The following FAM110A variants were observed in gnomAD, a reference collection of about 807,000 sequenced individuals.
FAM110A encodes the protein protein FAM110A.
Under a neutral mutation model 4.0 loss-of-function variants are expected in FAM110A, and 1 was observed. That is an observed-to-expected ratio of 0.25 (90% CI 0.09 to 1.20). The LOEUF (loss-of-function observed/expected upper bound fraction) is 1.20. Ranked by LOEUF, FAM110A falls within the 50% of genes most tolerant of loss-of-function variation. The probability of loss-of-function intolerance (pLI) is 0.50; values close to 1 mark genes in which losing one functional copy is unlikely to be tolerated. For missense variants in FAM110A, 436 were observed against 429.2 expected, an observed-to-expected ratio of 1.02 and a Z score of -0.14; for synonymous variants, 217 against 196.8, an observed-to-expected ratio of 1.10 and a Z score of -0.86.
At chr20:839,741 G>A in intron 1 of FAM110A, 1 of 1,355,620 alleles carries the variant, frequency 7.4e-7, no homozygotes, top group East Asian at 2.3e-5. Flanking sequence ...GGTAATCACG[G>A]AGATACTGGC....
intron 1 of FAM110A, 102 bp from the exon 2 acceptor site, chr20:844,606 T>C: frequency 1.3e-6 from 1 of 796,138 alleles, no homozygotes. Flanking sequence ...GCGTGGTCTC[T>C]ACCTTATAAT....
In FAM110A at chr20:845,995, C is replaced by T. The variant is rs1980337118; in HGVS notation, c.*303C>T. 2.4e-6 allele frequency: 1 copy of T among 417,092 alleles called. No individual in the cohort carries two copies. The highest frequency in any genetic ancestry group is 4.4e-5 in the Admixed American group (1 of 22,620). 25.8% of individuals were successfully genotyped at this position (417,092 alleles called of 1,614,324 possible). A position where few individuals can be genotyped will look rare whatever the true frequency, so the allele number is the denominator to read the frequency against. ...TGGGGCTGCATTTGCGGTGCTTTGC[C>T]CTCCCCACTGTGAGTGAGGGGCCAA... is the stretch of plus-strand genomic sequence containing the variant. On this transcript the variant is annotated 3_prime_UTR_variant, in exon 2 of 2. Transcript: ENST00000381941.
intron 1 of FAM110A, among the ~76,000 whole-genome samples, chr20:838,164 C>T (rs1979681456): frequency 6.6e-6 from 1 of 152,130 alleles, no homozygotes; most frequent in African/African-American, 2.4e-5. Context: ...ACCTGGGCAA[C>T]ACAGTGAGAC....
At chr20:839,581 C>T in intron 1 of FAM110A, 1 of 1,016,534 alleles carries the variant, frequency 9.8e-7, no homozygotes, top group Non-Finnish European at 1.6e-6. Flanking sequence ...TCTCTGTCAG[C>T]TTCCCGTCTT....
intron 1 of FAM110A, among the ~76,000 whole-genome samples, chr20:835,262 GTGTATATA>G (rs1188269652): frequency 1.3e-5 from 2 of 151,390 alleles, no homozygotes; most frequent in African/African-American, 2.4e-5. Flanking sequence ...ATATGTATGT[GTGTATATA>G]TGTATATATG....
At chr20:842,006 G>T (rs1387208336) in intron 1 of FAM110A, among the ~76,000 whole-genome samples, 1 of 152,208 alleles carries the variant, frequency 6.6e-6, no homozygotes, top group African/African-American at 2.4e-5. Flanking sequence ...TCTTCTTGAA[G>T]ACCAGGAGCC....
chr20:839,835 G>A, intron 1 of FAM110A: 1 of 1,604,606 alleles, frequency 6.2e-7, no homozygotes, highest in Non-Finnish European at 8.5e-7. Context: ...AGACTGCATG[G>A]CCTTCATGAC....
At position 840,111 on chromosome 20, in the gene FAM110A, C is replaced by G; in HGVS notation, c.-97-4597C>G. 1 of 650,144 alleles carries G rather than the reference C, an allele frequency of 1.5e-6. No individual in the cohort carries two copies. The highest frequency in any genetic ancestry group is 1.9e-5 in the South Asian group (1 of 53,822). The allele number at this position is 650,144 out of a possible 1,614,324, so 40.3% of individuals were successfully genotyped here. A position where few individuals can be genotyped will look rare whatever the true frequency, so the allele number is the denominator to read the frequency against. On this transcript the variant is annotated intron_variant, in intron 1 of 1. Transcript: ENST00000381941. This position sits in a 1 kb window ranked among gnomAD's most constrained non-coding sequence, Gnocchi z 4.4. ...GAAGGAGCCTTCCCTCCCCATCCCC[C>G]ATTTCTGCCTCCGTGGAGGGCTAGG...
In FAM110A at chr20:845,031, T is replaced by C. The variant is rs1377190473; in HGVS notation, c.227T>C (p.Leu76Pro). The change falls in exon 2 of 2, where the codon CTC becomes CCC. Residue 76 changes from leucine (L) to proline (P), a missense_variant. Transcript: ENST00000381941. Reference protein sequence around the residue: ...PVQPLLSKQPLFSPETRRTVL... With the variant: ...PVQPLLSKQPPFSPETRRTVL... ...CAGCCCCTGCTGTCCAAACAGCCGC[T>C]CTTTAGCCCTGAGACTCGCCGCACA... The C allele has an allele frequency of 6.3e-7, 1 of 1,594,650 alleles. No homozygotes were observed. The highest frequency in any genetic ancestry group is 1.7e-5 in the Admixed American group (1 of 57,494).
At chr20:842,767 C>G (rs6038936) in intron 1 of FAM110A, among the ~76,000 whole-genome samples, 21,111 of 152,116 alleles carry the variant, frequency 0.14, 1,616 homozygotes, top group African/African-American at 0.2. Context: ...TTTATGTACT[C>G]CTGGATTTCC....
At position 844,877 on chromosome 20, in the gene FAM110A, C is replaced by T. The variant is rs1017695901; in HGVS notation, c.73C>T (p.Pro25Ser). ...ALPCRLRTRV[P>S]GYLLRGPADG... ...ACCTTGCCGCCTGCGGACCAGGGTC[C>T]CTGGCTACCTGCTACGGGGGCCGGC... Residue 25 changes from proline to serine, a missense_variant, in exon 2 of 2, where the codon CCT (proline) becomes TCT (serine). Coordinates refer to ENST00000381941, the MANE Select transcript of FAM110A (RefSeq NM_001042353.3). The T allele has an allele frequency of 1.5e-5, 24 of 1,549,566 alleles. No homozygotes were observed. The highest frequency in any genetic ancestry group is 1.8e-5 in the Non-Finnish European group (21 of 1,147,164).
At position 845,915 on chromosome 20, in the gene FAM110A, C is replaced by T; in HGVS notation, c.*223C>T. On this transcript the variant is annotated 3_prime_UTR_variant, in exon 2 of 2. Transcript: ENST00000381941. Reference sequence around the variant, plus strand: ...TTGGACACCTGAGAACCCCCTCCTCCCCTCCCCCAATACAAGGTTTTTGAC... The same window carrying T: ...TTGGACACCTGAGAACCCCCTCCTCTCCTCCCCCAATACAAGGTTTTTGAC... 1.1e-6 allele frequency: 1 copy of T among 883,092 alleles called. No individual in the cohort carries two copies. The highest frequency in any genetic ancestry group is 1.7e-6 in the Non-Finnish European group (1 of 591,406). The allele number at this position is 883,092 out of a possible 1,614,324, so 54.7% of individuals were successfully genotyped here.
rs558108007 is a variant in FAM110A at position 845,207 on chromosome 20, C to T, written c.403C>T (p.Arg135Cys). 20 of 1,552,686 alleles carry T rather than the reference C, an allele frequency of 1.3e-5. No individual in the cohort carries two copies. The highest frequency in any genetic ancestry group is 1.7e-5 in the Non-Finnish European group (20 of 1,153,262). The change falls in exon 2 of 2, where the codon CGT (arginine) becomes TGT (cysteine). Residue 135 changes from arginine (R) to cysteine (C), a missense_variant. By Grantham distance (180) the Arg-to-Cys change is radical. Coordinates refer to ENST00000381941, the MANE Select transcript of FAM110A (RefSeq NM_001042353.3). ...TCCTGGACGGGCCGAGGGAGCCGGC[C>T]GTCCTCCCCCAGCCACCCCTCCGCG... ...RTPGRAEGAG[R>C]PPPATPPRPP...
At chr20:844,563 C>T in intron 1 of FAM110A, 145 bp from the exon 2 acceptor site, 1 of 458,306 alleles carries the variant, frequency 2.2e-6, no homozygotes, top group Non-Finnish European at 3.6e-6. Flanking sequence ...GCAGCTGCTG[C>T]CTTGTGCCTG....
intron 1 of FAM110A, among the ~76,000 whole-genome samples, chr20:844,401 C>G (rs1980121292): frequency 1.3e-5 from 2 of 151,990 alleles, no homozygotes; most frequent in East Asian, 3.9e-4. Flanking sequence ...CCCTTGCTCC[C>G]TTTAGCGCGT....
chr20:841,065 G>A (rs1293820843), intron 1 of FAM110A, among the ~76,000 whole-genome samples: 1 of 152,170 alleles, frequency 6.6e-6, no homozygotes, highest in Non-Finnish European at 1.5e-5. Context: ...GCGGTGGGCG[G>A]GTCTCGGCTC....
At position 845,947 on chromosome 20, in the gene FAM110A, G is replaced by A. The variant is rs1360209516; in HGVS notation, c.*255G>A. 3.3e-5 allele frequency: 22 copies of A among 658,750 alleles called. No individual in the cohort carries two copies. The East Asian group carries it at 6.5e-4, about 19-fold the overall frequency. The allele number at this position is 658,750 out of a possible 1,614,324, so 40.8% of individuals were successfully genotyped here. A position where few individuals can be genotyped will look rare whatever the true frequency, so the allele number is the denominator to read the frequency against. ...CCAATACAAGGTTTTTGACATGAGT[G>A]TACTCCTGCTTAGTTCCTCTTGTGG... On this transcript the variant is annotated 3_prime_UTR_variant, in exon 2 of 2. Transcript: ENST00000381941.
chr20:837,919 T>C (rs578064275), intron 1 of FAM110A, among the ~76,000 whole-genome samples: 45 of 151,972 alleles, frequency 3.0e-4, no homozygotes, highest in African/African-American at 1.0e-3. Context: ...TTTTTTTTTT[T>C]CTCTTCTCAC....
chr20:836,523 G>A (rs1377685929), intron 1 of FAM110A, among the ~76,000 whole-genome samples: 1 of 151,758 alleles, frequency 6.6e-6, no homozygotes, highest in African/African-American at 2.4e-5. Flanking sequence ...CACCCATGTT[G>A]TTGTATGTGT....
Sources: allele counts gnomAD v4.1 joint callset (sites outside exome capture counted in the v4.1 genomes callset), GRCh38; gene constraint gnomAD v4.1.1; non-coding constraint Gnocchi (gnomAD v3.1); transcripts MANE v1.5; gene names NCBI Gene and HGNC (gene_info 2026-07-23, HGNC 2026-07-21).